The following FBXO4 variants were observed in gnomAD, a reference collection of about 807,000 sequenced individuals.
The protein encoded by FBXO4 is F-box protein 4, also known as F-box only protein 4.
A neutral mutation model predicts 43.7 loss-of-function variants in FBXO4; 36 were observed. The observed-to-expected ratio is 0.82, with a 90% confidence interval of 0.63 to 1.09. FBXO4 has a LOEUF of 1.09. Ranked by LOEUF, FBXO4 falls within the 50% of genes least tolerant of loss-of-function variation. FBXO4 has a pLI of 0.00. For synonymous variants in FBXO4, 180 were observed against 165.6 expected (o/e 1.09, Z -0.67); for missense variants, 435 against 474.1 (o/e 0.92, Z 0.77).
At chr5:41,943,411 A>T (rs969070548), downstream of FBXO4, among the ~76,000 whole-genome samples, 18 of 152,088 alleles carry the variant, frequency 1.2e-4, no homozygotes, top group African/African-American at 4.3e-4. Flanking sequence ...TTAAATTCTG[A>T]ATCTCAGTTT....
the FBXO4 span, among the ~76,000 whole-genome samples, chr5:41,966,793 T>C: frequency 6.6e-6 from 1 of 152,242 alleles, no homozygotes; most frequent in Admixed American, 6.5e-5. Flanking sequence ...TCGATGCTTA[T>C]AGGAATAGCA....
At chr5:42,031,895 T>G in the FBXO4 span, among the ~76,000 whole-genome samples, 33 of 152,124 alleles carry the variant, frequency 2.2e-4, 1 homozygote, top group East Asian at 4.7e-3. Flanking sequence ...TTAGGAAGCA[T>G]CGTAAGTTCA....
chr5:41,978,417 A>T, the FBXO4 span, among the ~76,000 whole-genome samples: 1 of 152,230 alleles, frequency 6.6e-6, no homozygotes, highest in Non-Finnish European at 1.5e-5. Context: ...CACATTGTTT[A>T]AAAAAGTGTG....
In FBXO4 at chr5:41,927,186, A is replaced by G. The variant is rs1454834283; in HGVS notation, c.363A>G (p.Leu121=). Residue 121 remains leucine, a synonymous_variant, in exon 2 of 7, where the codon CTA becomes CTG. Transcript: ENST00000281623. Reference sequence around the variant, plus strand: ...TTGACTGGAAGTCTCTTCCAGATCTAGAAATCTTAAAAAAGCCTATATCTG... The same window carrying G: ...TTGACTGGAAGTCTCTTCCAGATCTGGAAATCTTAAAAAAGCCTATATCTG... ...SSVDWKSLPD[L]EILKKPISEV... is the part of the protein sequence containing the mutation. The G allele has an allele frequency of 6.2e-7, 1 of 1,613,682 alleles. No individual in the cohort carries two copies. Among genetic ancestry groups the G allele is most frequent in the Non-Finnish European group, 8.5e-7 (1 of 1,179,902 alleles).
At chr5:41,938,342 T>TA (rs1233779668) in intron 5 of FBXO4, among the ~76,000 whole-genome samples, 1 of 152,044 alleles carries the variant, frequency 6.6e-6, no homozygotes, top group African/African-American at 2.4e-5. Flanking sequence ...CAACAGCTAC[T>TA]AAAAAATGTA....
the FBXO4 span, among the ~76,000 whole-genome samples, chr5:41,957,898 G>C: frequency 6.6e-6 from 1 of 151,996 alleles, no homozygotes. Context: ...GACAACTAAC[G>C]TGGAGATATG....
downstream of FBXO4, among the ~76,000 whole-genome samples, chr5:41,944,296 TAGAG>T (rs899564935): frequency 3.3e-5 from 5 of 152,340 alleles, no homozygotes; most frequent in Admixed American, 6.5e-5. Context: ...TACTTATACC[TAGAG>T]AAAGTACAAT....
At chr5:41,940,895 C>T (rs948920472) in intron 6 of FBXO4, among the ~76,000 whole-genome samples, 2 of 152,096 alleles carry the variant, frequency 1.3e-5, no homozygotes, top group Non-Finnish European at 2.9e-5. Context: ...CAAAGTGGAT[C>T]CTTTGGAGGA....
chr5:42,031,655 A>C, the FBXO4 span, among the ~76,000 whole-genome samples: 1 of 152,066 alleles, frequency 6.6e-6, no homozygotes, highest in African/African-American at 2.4e-5. Flanking sequence ...GAAAGGTCAC[A>C]TATCTGTGTT....
chr5:41,946,020 C>A (rs141438709), downstream of FBXO4, among the ~76,000 whole-genome samples: 1 of 152,184 alleles, frequency 6.6e-6, no homozygotes, highest in Non-Finnish European at 1.5e-5. Context: ...ATTACTTCAT[C>A]CCCATGTGAC....
chr5:42,029,206 C>T, the FBXO4 span, among the ~76,000 whole-genome samples: 1 of 151,966 alleles, frequency 6.6e-6, no homozygotes, highest in East Asian at 1.9e-4. Context: ...AATATTTTCA[C>T]TGGATATACT....
chr5:41,932,279 C>T (rs1007383680), intron 3 of FBXO4, among the ~76,000 whole-genome samples: 1 of 152,056 alleles, frequency 6.6e-6, no homozygotes, highest in Non-Finnish European at 1.5e-5. Context: ...TGAAGTTAGA[C>T]GTGTTGAGAG....
At chr5:42,026,997 C>A in the FBXO4 span, among the ~76,000 whole-genome samples, 1 of 151,748 alleles carries the variant, frequency 6.6e-6, no homozygotes, top group Non-Finnish European at 1.5e-5. Context: ...GAGATATTGG[C>A]CTGTAGTTTT....
chr5:41,994,551 T>G, the FBXO4 span, among the ~76,000 whole-genome samples: 1 of 152,202 alleles, frequency 6.6e-6, no homozygotes, highest in African/African-American at 2.4e-5. Flanking sequence ...CCTGCCGGAT[T>G]GGACTGTTGT....
At chr5:41,986,468 T>C in the FBXO4 span, among the ~76,000 whole-genome samples, 3 of 152,114 alleles carry the variant, frequency 2.0e-5, no homozygotes, top group Non-Finnish European at 2.9e-5. Context: ...AATTTATTGG[T>C]TTAAGGACAC....
chr5:41,996,821 T>A, the FBXO4 span, among the ~76,000 whole-genome samples: 1 of 152,206 alleles, frequency 6.6e-6, no homozygotes, highest in Non-Finnish European at 1.5e-5. Context: ...CTAGATATTT[T>A]ACTGAGGTAG....
At chr5:41,999,533 A>ACACG in the FBXO4 span, among the ~76,000 whole-genome samples, 2 of 102,174 alleles carry the variant, frequency 2.0e-5, no homozygotes, top group African/African-American at 1.1e-4. Context: ...ACATATATAT[A>ACACG]TACATATATA....
chr5:41,955,518 A>G, the FBXO4 span, among the ~76,000 whole-genome samples: 1 of 152,208 alleles, frequency 6.6e-6, no homozygotes, highest in Non-Finnish European at 1.5e-5. Context: ...AGACCTATGA[A>G]TACCCTAGAG....
At chr5:41,935,943 G>T (rs1237982043) in intron 5 of FBXO4, among the ~76,000 whole-genome samples, 1 of 152,236 alleles carries the variant, frequency 6.6e-6, no homozygotes, top group African/African-American at 2.4e-5. Flanking sequence ...GCTGCTGGAA[G>T]AATTTAAAGT....
Sources: gnomAD v4.1 joint callset for allele counts (sites outside exome capture counted in the v4.1 genomes callset) on GRCh38, gnomAD v4.1.1 for gene constraint, MANE v1.5 for transcripts, NCBI Gene and HGNC (gene_info 2026-07-23, HGNC 2026-07-21) for gene names.